The following NPR1 variants were observed in gnomAD, a reference collection of about 807,000 sequenced individuals.
NPR1 encodes the protein atrial natriuretic peptide receptor 1.
Under a neutral mutation model 116.9 loss-of-function variants are expected in NPR1, and 57 were observed. That is an observed-to-expected ratio of 0.49 (90% CI 0.39 to 0.61). The LOEUF (loss-of-function observed/expected upper bound fraction) is 0.61, where lower values mean the gene tolerates loss of function less well. Ranked by LOEUF, NPR1 falls within the 20% of genes least tolerant of loss-of-function variation. The pLI, the probability that NPR1 is intolerant of heterozygous loss-of-function variation, is 0.00. For synonymous variants in NPR1, 555 were observed against 601.6 expected, an observed-to-expected ratio of 0.92 and a Z score of 1.13; for missense variants, 1,096 against 1,409.8, an observed-to-expected ratio of 0.78 and a Z score of 3.56.
Position 153,689,933 on chromosome 1 carries a change from G to T in NPR1, c.2885G>T (p.Arg962Leu), listed in dbSNP as rs199989132. 3.9e-6 allele frequency: 6 copies of T among 1,550,644 alleles called. No homozygotes were observed. Among genetic ancestry groups the T allele is most frequent in the Non-Finnish European group, 3.5e-6 (4 of 1,145,410 alleles). The change falls in exon 19 of 22, where the codon CGC becomes CTC. Residue 962 changes from arginine to leucine, a missense_variant. Arg to Leu is a moderately radical substitution (Grantham distance 102). Transcript: ENST00000368680. The surrounding 1 kb of genome is among the most constrained non-coding windows in gnomAD (Gnocchi z 5.1). ...GATGCTGTGCGCTCCTTCCGAATCCGCCACCGGCCCCAGGAGCAGCTGCGC... is the reference window on the plus strand; with the variant it reads ...GATGCTGTGCGCTCCTTCCGAATCCTCCACCGGCCCCAGGAGCAGCTGCGC... ...LLDAVRSFRI[R>L]HRPQEQLRLR... is the part of the protein sequence containing the mutation.
Position 153,693,442 on chromosome 1 carries a change from C to CG in NPR1, c.*28_*29insG. The CG allele has an allele frequency of 6.6e-7, 1 of 1,505,254 alleles. No individual in the cohort carries two copies. Among genetic ancestry groups the CG allele is most frequent in the East Asian group, 2.4e-5 (1 of 41,290 alleles). 93.2% of individuals were successfully genotyped at this position (1,505,254 alleles called of 1,614,324 possible). On this transcript the variant is annotated 3_prime_UTR_variant, in exon 22 of 22. Coordinates refer to ENST00000368680, the MANE Select transcript of NPR1 (RefSeq NM_000906.4). ...TGCCTCCTCTCCTATCCCTCCACAC[C>CG]TCCCTACCCTGTGCCAGAAGCAACA...
At position 153,687,720 on chromosome 1, in the gene NPR1, A is replaced by T; in HGVS notation, c.2179A>T (p.Ile727Phe). 2.5e-6 allele frequency: 4 copies of T among 1,608,534 alleles called. No homozygotes were observed. The highest frequency in any genetic ancestry group is 3.4e-6 in the Non-Finnish European group (4 of 1,175,580). ...GGCTGGTGACGTATACAGCTTTGGG[A>T]TCATCCTTCAGGAGATTGCCCTGAG... is the stretch of plus-strand genomic sequence containing the variant. Reference protein sequence around the residue: ...SQAGDVYSFGIILQEIALRSG... With the variant: ...SQAGDVYSFGFILQEIALRSG... The change falls in exon 14 of 22, where the codon ATC (isoleucine) becomes TTC (phenylalanine). Residue 727 changes from isoleucine (I) to phenylalanine (F), a missense_variant. By Grantham distance (21) the Ile-to-Phe change is conservative. Coordinates refer to ENST00000368680, the MANE Select transcript of NPR1 (RefSeq NM_000906.4).
chr1:153,689,796 A>G lies in NPR1; in HGVS notation c.2758-10A>G. On this transcript the variant is annotated splice_polypyrimidine_tract_variant and intron_variant, in intron 18 of 21. Transcript: ENST00000368680. The surrounding 1 kb of genome is among the most constrained non-coding windows in gnomAD (Gnocchi z 5.1). ...CCGTCAAGTCCTGCACCCCCTCGCC[A>G]CTCCCACAGGTGGAGACAATTGGCG... 1 of 1,534,672 alleles carries G rather than the reference A, an allele frequency of 6.5e-7. No individual in the cohort carries two copies.
Position 153,689,032 on chromosome 1 carries a change from G to A in NPR1, c.2497G>A (p.Glu833Lys), listed in dbSNP as rs1475115811. ...YANNLEELVE[E>K]RTQAYLEEKR... is the part of the protein sequence containing the mutation. Reference sequence around the variant, plus strand: ...GAACAATCTGGAGGAACTGGTGGAGGAGCGGACCCAGGCATACCTGGAGGA... The same window carrying A: ...GAACAATCTGGAGGAACTGGTGGAGAAGCGGACCCAGGCATACCTGGAGGA... Residue 833 changes from glutamate to lysine, a missense_variant, in exon 16 of 22, where the codon GAG becomes AAG. Glu to Lys is a moderately conservative substitution (Grantham distance 56). Coordinates refer to ENST00000368680, the MANE Select transcript of NPR1 (RefSeq NM_000906.4). The surrounding 1 kb of genome is among the most constrained non-coding windows in gnomAD (Gnocchi z 5.1). 1.2e-6 allele frequency: 2 copies of A among 1,614,246 alleles called. No homozygotes were observed. The highest frequency in any genetic ancestry group is 1.7e-5 in the Admixed American group (1 of 60,028).
intron 20 of NPR1, among the ~76,000 whole-genome samples, chr1:153,692,469 C>T (rs1042104278): frequency 2.7e-5 from 4 of 150,936 alleles, no homozygotes; most frequent in Admixed American, 6.6e-5. Context: ...CATATGGCTA[C>T]TTATCACTGG....
At position 153,683,469 on chromosome 1, in the gene NPR1, C is replaced by G; in HGVS notation, c.1357C>G (p.Pro453Ala). The G allele has an allele frequency of 6.2e-7, 1 of 1,614,168 alleles. No individual in the cohort carries two copies. The highest frequency in any genetic ancestry group is 8.5e-7 in the Non-Finnish European group (1 of 1,180,022). Reference sequence around the variant, plus strand: ...CCTGGGGTACCCTCCTCCTGACATCCCCAAATGTGGCTTTGACAACGAAGA... The same window carrying G: ...CCTGGGGTACCCTCCTCCTGACATCGCCAAATGTGGCTTTGACAACGAAGA... The part of the protein sequence containing the change: ...WPLGYPPPDI[P>A]KCGFDNEDPA... The change falls in exon 6 of 22, where the codon CCC becomes GCC. Residue 453 changes from proline (P) to alanine (A), a missense_variant. Coordinates refer to ENST00000368680, the MANE Select transcript of NPR1 (RefSeq NM_000906.4).
rs755572875 is a variant in NPR1, at chr1:153,689,419, C to A, written c.2689-34C>A. 2 of 1,613,708 alleles carry A rather than the reference C, an allele frequency of 1.2e-6. No individual in the cohort carries two copies. The highest frequency in any genetic ancestry group is 1.7e-6 in the Non-Finnish European group (2 of 1,179,604). ...ACCTGACCCCAGGTGGGGTCCCCTA[C>A]TTCCTGTCTCTCTTAGCTTCTCTTC... is the stretch of plus-strand genomic sequence containing the variant. On this transcript the variant is annotated intron_variant, in intron 17 of 21. Coordinates refer to ENST00000368680, the MANE Select transcript of NPR1 (RefSeq NM_000906.4). This position sits in a 1 kb window ranked among gnomAD's most constrained non-coding sequence, Gnocchi z 5.1.
chr1:153,682,495 C>G lies in NPR1; in HGVS notation c.1172-3C>G. The G allele has an allele frequency of 6.2e-7, 1 of 1,611,426 alleles. No homozygotes were observed. The highest frequency in any genetic ancestry group is 8.5e-7 in the Non-Finnish European group (1 of 1,177,508). ...ACATAGTCATCTTCCCCCATGTCCT[C>G]AGGTGTGACAGGATACCTGAAAATT... is the stretch of plus-strand genomic sequence containing the variant. On this transcript the variant is annotated splice_region_variant and splice_polypyrimidine_tract_variant and intron_variant, in intron 4 of 21. Transcript: ENST00000368680.
intron 15 of NPR1, chr1:153,688,686 T>C: frequency 1.9e-6 from 1 of 522,168 alleles, no homozygotes; most frequent in Non-Finnish European, 3.4e-6. Context: ...CCACCTCCTT[T>C]ACCTCCTTCT....
chr1:153,685,488 A>T (rs983761970), intron 8 of NPR1, among the ~76,000 whole-genome samples: 1 of 152,120 alleles, frequency 6.6e-6, no homozygotes, highest in Non-Finnish European at 1.5e-5. Flanking sequence ...ACAGAGCAAG[A>T]CATCGTCTCT....
chr1:153,687,392 A>G (rs1669961859), intron 13 of NPR1, 36 bp downstream of exon 13: 1 of 1,607,900 alleles, frequency 6.2e-7, no homozygotes, highest in African/African-American at 1.3e-5. Context: ...ACCTGCCCCC[A>G]GCACCACCCA....
chr1:153,681,671 C>T (rs1296116008), intron 3 of NPR1, 33 bp from the exon 4 acceptor site: 1 of 1,606,660 alleles, frequency 6.2e-7, no homozygotes, highest in Non-Finnish European at 8.5e-7. Flanking sequence ...CCTTCATATG[C>T]CCACCCCAGC....
At position 153,683,825 on chromosome 1, in the gene NPR1, G is replaced by A; in HGVS notation, c.1484+1G>A. On this transcript the variant is annotated splice_donor_variant, in intron 7 of 21. Transcript: ENST00000368680. LOFTEE classifies it high-confidence loss of function. ...TGATTGTCTCCTTCTTCATATACAG[G>A]TGAGCTGTGATGTGGGGGGTTGAGT... The A allele has an allele frequency of 6.2e-7, 1 of 1,613,386 alleles. No homozygotes were observed. Among genetic ancestry groups the A allele is most frequent in the Non-Finnish European group, 8.5e-7 (1 of 1,179,836 alleles).
chr1:153,688,892 C>A (rs928552363), intron 15 of NPR1, 61 bp from the exon 16 acceptor site: 1 of 1,573,466 alleles, frequency 6.4e-7, no homozygotes, highest in East Asian at 2.4e-5. Context: ...TAGGGGCGGG[C>A]GCTCACGGTA....
chr1:153,685,923 G>C, intron 9 of NPR1, 43 bp downstream of exon 9: 1 of 1,569,474 alleles, frequency 6.4e-7, no homozygotes, highest in African/African-American at 1.3e-5. Flanking sequence ...ACTGGGGCAG[G>C]AGTGTACTCT....
At chr1:153,685,746 C>A in intron 8 of NPR1, 60 bp from the exon 9 acceptor site, 3 of 1,268,502 alleles carry the variant, frequency 2.4e-6, no homozygotes, top group Non-Finnish European at 2.3e-6. Flanking sequence ...AGAGCACAAG[C>A]AATCAGGATG....
Position 153,681,204 on chromosome 1 carries a change from G to T in NPR1, c.946G>T (p.Asp316Tyr). 1.2e-6 allele frequency: 2 copies of T among 1,612,258 alleles called. No individual in the cohort carries two copies. The highest frequency in any genetic ancestry group is 2.2e-5 in the South Asian group (2 of 91,028). The part of the protein sequence containing the change: ...FQAAKIITYK[D>Y]PDNPEYLEFL... ...GGCTGCCAAAATCATTACATATAAA[G>T]ACCCAGATAATCCCGAGTACTTGGA... Residue 316 changes from aspartate to tyrosine, a missense_variant, in exon 3 of 22, where the codon GAC (aspartate) becomes TAC (tyrosine). Transcript: ENST00000368680.
rs140994188 is a variant in NPR1 at position 153,681,238 on chromosome 1, A to T, written c.980A>T (p.Lys327Met). 2 of 1,613,804 alleles carry T rather than the reference A, an allele frequency of 1.2e-6. No homozygotes were observed. Among genetic ancestry groups the T allele is most frequent in the Non-Finnish European group, 1.7e-6 (2 of 1,179,908 alleles). ...AATCCCGAGTACTTGGAATTCCTGA[A>T]GCAGTTAAAACACCTGGCCTATGAG... ...PDNPEYLEFL[K>M]QLKHLAYEQF... Residue 327 changes from lysine to methionine, a missense_variant, in exon 3 of 22, where the codon AAG becomes ATG. Transcript: ENST00000368680.
chr1:153,678,907 G>GC lies in NPR1; in HGVS notation c.-196dup, dbSNP rs1313981305. On this transcript the variant is annotated 5_prime_UTR_variant, in exon 1 of 22. Coordinates refer to ENST00000368680, the MANE Select transcript of NPR1 (RefSeq NM_000906.4). The surrounding 1 kb of genome is among the most constrained non-coding windows in gnomAD (Gnocchi z 5.8). ...CCACCTGCTCCGCGGCGCCCTGCGC[G>GC]CCCCCCTCGGTCGCGCCCCTTGCGC... is the stretch of plus-strand genomic sequence containing the variant. 5 of 627,376 alleles carry GC rather than the reference G, an allele frequency of 8.0e-6. No homozygotes were observed. Among genetic ancestry groups the GC allele is most frequent in the Non-Finnish European group, 1.2e-5 (5 of 408,738 alleles). 38.9% of individuals were successfully genotyped at this position (627,376 alleles called of 1,614,324 possible).
Sources: gnomAD v4.1 joint callset for allele counts (sites outside exome capture counted in the v4.1 genomes callset) on GRCh38, gnomAD v4.1.1 for gene constraint, Gnocchi (gnomAD v3.1) non-coding constraint, MANE v1.5 for transcripts, NCBI Gene and HGNC (gene_info 2026-07-23, HGNC 2026-07-21) for gene names.